CSMD1: variants seen among roughly 807,000 people sequenced by gnomAD.
CSMD1 encodes CUB and sushi domain-containing protein 1.
CSMD1 carries 213 observed loss-of-function variants against 417.5 expected under a neutral mutation model. The ratio of observed to expected loss-of-function variants is 0.51; its 90% CI spans 0.46 to 0.57. CSMD1 has a LOEUF of 0.57. Among genes scored for constraint, CSMD1 ranks in the 20% least tolerant of loss-of-function variants. The probability of loss-of-function intolerance (pLI) is 0.00; values close to 1 mark genes in which losing one functional copy is unlikely to be tolerated. For missense variants in CSMD1, 6,923 were observed against 4,529.7 expected (o/e 1.53, Z -15.17); for synonymous variants, 2,862 against 1,736.8 (o/e 1.65, Z -16.11).
rs753986292 is a variant in CSMD1 at position 4,214,626 on chromosome 8, C to A, written c.416-182527G>T. ...CTTATTAGAATTTTGAACAGAAACACTGAGTATGTATTTGCATGCACGTGT... is the reference window on the plus strand; with the variant it reads ...CTTATTAGAATTTTGAACAGAAACAATGAGTATGTATTTGCATGCACGTGT... On this transcript the variant is annotated intron_variant, in intron 3 of 69. Transcript: ENST00000635120. 7.9e-5 allele frequency among the ~76,000 whole-genome samples: 12 copies of A among 152,156 alleles called. No individual in the cohort carries two copies. In the East Asian group the frequency reaches 1.4e-3, roughly 17 times the overall value.
chr8:4,168,162 C>G (rs894128901), intron 3 of CSMD1, among the ~76,000 whole-genome samples: 1 of 151,260 alleles, frequency 6.6e-6, no homozygotes, highest in Non-Finnish European at 1.5e-5. Flanking sequence ...CACACACACA[C>G]ACACACACAC....
intron 36 of CSMD1, among the ~76,000 whole-genome samples, chr8:3,183,938 T>G (rs932740614): frequency 6.6e-6 from 1 of 152,198 alleles, no homozygotes; most frequent in Non-Finnish European, 1.5e-5. Context: ...TTGAGCCTGA[T>G]CTTTTCCTAA....
chr8:3,114,860 C>T (rs1021292916), intron 42 of CSMD1, among the ~76,000 whole-genome samples: 3 of 151,770 alleles, frequency 2.0e-5, no homozygotes, highest in African/African-American at 2.4e-5. Flanking sequence ...AAATTGTTTT[C>T]TGCTTACAAA....
intron 3 of CSMD1, among the ~76,000 whole-genome samples, chr8:4,197,422 T>G (rs117500686): frequency 6.6e-6 from 1 of 152,274 alleles, no homozygotes; most frequent in Non-Finnish European, 1.5e-5. Context: ...GTAGAATGAG[T>G]AAAGCAGATT....
intron 3 of CSMD1, among the ~76,000 whole-genome samples, chr8:4,221,640 C>A (rs1714726): frequency 6.6e-6 from 1 of 151,928 alleles, no homozygotes; most frequent in Non-Finnish European, 1.5e-5. Context: ...TTTCACATCC[C>A]CTGACACCAT....
intron 1 of CSMD1, chr8:4,787,190 G>T (rs1435301841): frequency 4.6e-6 from 2 of 430,672 alleles, no homozygotes; most frequent in East Asian, 4.8e-5. Flanking sequence ...AAAGAGTGGC[G>T]CAGGGTCGCG....
At chr8:4,965,139 C>T (rs1471565087) in intron 1 of CSMD1, among the ~76,000 whole-genome samples, 1 of 152,056 alleles carries the variant, frequency 6.6e-6, no homozygotes, top group Non-Finnish European at 1.5e-5. Context: ...AAGATACAAG[C>T]AAATATTTGT....
intron 3 of CSMD1, among the ~76,000 whole-genome samples, chr8:4,125,114 T>C (rs1050467728): frequency 6.4e-5 from 2 of 31,192 alleles, no homozygotes; most frequent in Non-Finnish European, 1.3e-4. Flanking sequence ...CCAGGAACAC[T>C]TCCATCGAGA....
At chr8:3,546,154 T>C (rs1435787975) in intron 10 of CSMD1, among the ~76,000 whole-genome samples, 2 of 150,840 alleles carry the variant, frequency 1.3e-5, no homozygotes, top group African/African-American at 5.0e-5. Context: ...GCAAAGGTCA[T>C]CATGTATTTG....
At chr8:3,966,285 G>A (rs995940238) in intron 5 of CSMD1, among the ~76,000 whole-genome samples, 2 of 152,070 alleles carry the variant, frequency 1.3e-5, no homozygotes, top group Non-Finnish European at 2.9e-5. Context: ...AATGCAGAGG[G>A]GCTTGGACAG....
intron 1 of CSMD1, among the ~76,000 whole-genome samples, chr8:4,665,193 C>A (rs1429534750): frequency 6.6e-6 from 1 of 152,152 alleles, no homozygotes; most frequent in Admixed American, 6.5e-5. Context: ...TTGCCAAACC[C>A]TGGCGGCTTC....
intron 1 of CSMD1, among the ~76,000 whole-genome samples, chr8:4,658,053 G>A (rs1804355441): frequency 6.6e-6 from 1 of 151,802 alleles, no homozygotes; most frequent in African/African-American, 2.4e-5. Context: ...AAAATATTCA[G>A]TATGAAGGGA....
intron 3 of CSMD1, among the ~76,000 whole-genome samples, chr8:4,261,531 A>C (rs149724341): frequency 0.01 from 1,585 of 152,140 alleles, 14 homozygotes; most frequent in South Asian, 0.035. Flanking sequence ...ATATACTTGA[A>C]ATTTGCTAAG....
chr8:3,347,823 C>T (rs377028269), intron 22 of CSMD1, among the ~76,000 whole-genome samples, 169 bp downstream of exon 22: 164 of 152,136 alleles, frequency 1.1e-3, no homozygotes, highest in African/African-American at 3.7e-3. Context: ...CTGCTCTAAG[C>T]GAAGTGACAT....
intron 12 of CSMD1, among the ~76,000 whole-genome samples, chr8:3,414,553 G>C (rs949111088): frequency 2.6e-5 from 4 of 152,080 alleles, no homozygotes; most frequent in Non-Finnish European, 5.9e-5. Context: ...TTTCTGTGTT[G>C]CAGCCAAACT....
intron 8 of CSMD1, among the ~76,000 whole-genome samples, chr8:3,609,466 T>C (rs1206721636): frequency 6.6e-6 from 1 of 152,218 alleles, no homozygotes; most frequent in East Asian, 1.9e-4. Flanking sequence ...TATTTTATGC[T>C]TTATTTTCTT....
chr8:3,871,987 A>T (rs895602575), intron 5 of CSMD1, among the ~76,000 whole-genome samples: 1 of 152,148 alleles, frequency 6.6e-6, no homozygotes, highest in Non-Finnish European at 1.5e-5. Context: ...AACCTGCACT[A>T]TTTCCTATGC....
In CSMD1 at chr8:3,126,952, C is replaced by A. The variant is rs114464770; in HGVS notation, c.6242-8365G>T. Among the ~76,000 whole-genome samples the A allele has an allele frequency of 8.7e-3, 1,319 of 152,214 alleles. 28 individuals carry two copies. The highest frequency in any genetic ancestry group is 0.031 in the African/African-American group (1,274 of 41,520). ...CCTAGGAGACGGGTCTACTGATGCA[C>A]GCTGAGAACGTCAGCTTTTGGTTCA... is the stretch of plus-strand genomic sequence containing the variant. On this transcript the variant is annotated intron_variant, in intron 41 of 69. Transcript: ENST00000635120.
chr8:4,475,001 G>C (rs148774648), intron 2 of CSMD1, among the ~76,000 whole-genome samples: 47 of 152,204 alleles, frequency 3.1e-4, no homozygotes, highest in African/African-American at 1.1e-3. Flanking sequence ...TTTTGGGGGA[G>C]TTGAAAGTTT....
Sources: allele counts gnomAD v4.1 joint callset (sites outside exome capture counted in the v4.1 genomes callset), GRCh38; gene constraint gnomAD v4.1.1; transcripts MANE v1.5; gene names NCBI Gene and HGNC (gene_info 2026-07-23, HGNC 2026-07-21).